Variants in CFAP299 observed in about 807,000 individuals in gnomAD.
CFAP299 encodes the protein cilia- and flagella-associated protein 299.
CFAP299 carries 21 observed loss-of-function variants against 27.0 expected under a neutral mutation model. That is an observed-to-expected ratio of 0.78 (90% CI 0.55 to 1.12). The LOEUF (loss-of-function observed/expected upper bound fraction) is 1.12, where lower values mean the gene tolerates loss of function less well. Ranked by LOEUF, CFAP299 falls within the 50% of genes most tolerant of loss-of-function variation. The probability of loss-of-function intolerance (pLI) is 0.00; values close to 1 mark genes in which losing one functional copy is unlikely to be tolerated. For missense variants in CFAP299, 310 were observed against 276.6 expected, an observed-to-expected ratio of 1.12 and a Z score of -0.86; for synonymous variants, 104 against 98.1, an observed-to-expected ratio of 1.06 and a Z score of -0.36.
chr4:80,565,494 A>C (rs1560627500), intron 2 of CFAP299, among the ~76,000 whole-genome samples: 1 of 152,118 alleles, frequency 6.6e-6, no homozygotes, highest in Non-Finnish European at 1.5e-5. Flanking sequence ...AAAGGGTAGA[A>C]AGGACTCGGG....
intron 2 of CFAP299, among the ~76,000 whole-genome samples, chr4:80,567,731 T>TTATATATATATATATA (rs10605376): frequency 2.7e-4 from 40 of 148,780 alleles, no homozygotes; most frequent in African/African-American, 9.9e-4. Context: ...TCTAATGTAT[T>TTATATATATATATATA]TATATATATA....
In CFAP299 at chr4:80,552,004, C is replaced by T. The variant is rs1289330092; in HGVS notation, c.243-31089C>T. On this transcript the variant is annotated intron_variant, in intron 2 of 5. Transcript: ENST00000358105. Reference sequence around the variant, plus strand: ...CTTCCTGGTATCTGCCCGCCTTGTCCTCCCAAAGTGCTGGGATTACAGGCG... The same window carrying T: ...CTTCCTGGTATCTGCCCGCCTTGTCTTCCCAAAGTGCTGGGATTACAGGCG... 2.6e-5 allele frequency among the ~76,000 whole-genome samples: 4 copies of T among 152,312 alleles called. No individual in the cohort carries two copies. The East Asian group carries it at 7.7e-4, about 29-fold the overall frequency.
rs541692517 is a variant in CFAP299, at chr4:80,702,690, A to G, written c.333+119507A>G. ...GAATGTGTCTCTGCAAATATTTCAC[A>G]TTTTGTATTTTCAAAAGTAAGCATA... On this transcript the variant is annotated intron_variant, in intron 3 of 5. Transcript: ENST00000358105. Among the ~76,000 whole-genome samples, 5 of 151,976 alleles carry G rather than the reference A, an allele frequency of 3.3e-5. No individual in the cohort carries two copies. In the South Asian group the frequency reaches 1.0e-3, roughly 31 times the overall value.
chr4:80,577,484 C>G lies in CFAP299; in HGVS notation c.243-5609C>G, dbSNP rs181462526. Among the ~76,000 whole-genome samples, 657 of 136,558 alleles carry G rather than the reference C, an allele frequency of 4.8e-3. 3 individuals are homozygous for G. The highest frequency in any genetic ancestry group is 6.7e-3 in the Admixed American group (80 of 11,960). The allele number at this position is 136,558 out of a possible 152,430, so 89.6% of individuals were successfully genotyped here. A position where few individuals can be genotyped will look rare whatever the true frequency, so the allele number is the denominator to read the frequency against. On this transcript the variant is annotated intron_variant, in intron 2 of 5. Transcript: ENST00000358105. ...GTGGTATGATCTTGGTTCACTGCAA[C>G]CTCTGCCTCCCAGGTTCAAGCGATT... is the stretch of plus-strand genomic sequence containing the variant.
At chr4:80,919,471 G>T (rs765798017) in intron 4 of CFAP299, among the ~76,000 whole-genome samples, 2 of 152,104 alleles carry the variant, frequency 1.3e-5, no homozygotes, top group Non-Finnish European at 2.9e-5. Flanking sequence ...TATAGTTTCA[G>T]GCTATTGAAA....
At chr4:80,621,364 T>C (rs2109931893) in intron 3 of CFAP299, among the ~76,000 whole-genome samples, 1 of 152,276 alleles carries the variant, frequency 6.6e-6, no homozygotes, top group African/African-American at 2.4e-5. Context: ...TCTCTACCAA[T>C]AGTTACAGAC....
chr4:80,839,928 C>T (rs778166927), intron 3 of CFAP299, among the ~76,000 whole-genome samples: 1 of 152,024 alleles, frequency 6.6e-6, no homozygotes, highest in Non-Finnish European at 1.5e-5. Context: ...ACTCTGAAGC[C>T]TAATATGTCT....
chr4:80,475,513 C>T (rs561182228), intron 2 of CFAP299, among the ~76,000 whole-genome samples: 1 of 152,224 alleles, frequency 6.6e-6, no homozygotes, highest in East Asian at 1.9e-4. Context: ...TTGGCCTGAG[C>T]AACTGGGTAA....
chr4:80,807,132 A>G (rs1399545034), intron 3 of CFAP299, among the ~76,000 whole-genome samples: 4 of 152,146 alleles, frequency 2.6e-5, no homozygotes, highest in Admixed American at 2.0e-4. Flanking sequence ...AGGTTAAAGA[A>G]ATGATTTTTT....
At chr4:80,413,476 G>A (rs1726835794) in intron 2 of CFAP299, among the ~76,000 whole-genome samples, 1 of 152,076 alleles carries the variant, frequency 6.6e-6, no homozygotes, top group Admixed American at 6.6e-5. Flanking sequence ...AAGCCCTATT[G>A]GTACCTACAG....
rs368503304 is a variant in CFAP299, at chr4:80,782,744, G to A, written c.334-87249G>A. On this transcript the variant is annotated intron_variant, in intron 3 of 5. Transcript: ENST00000358105. Reference sequence around the variant, plus strand: ...TGAATATATAATATATTCACATATGGCATACATATATGAATATATAATATA... The same window carrying A: ...TGAATATATAATATATTCACATATGACATACATATATGAATATATAATATA... Among the ~76,000 whole-genome samples the A allele has an allele frequency of 3.9e-3, 425 of 109,520 alleles. 10 individuals carry two copies. The highest frequency in any genetic ancestry group is 0.015 in the East Asian group (71 of 4,690). 71.8% of individuals were successfully genotyped at this position (109,520 alleles called of 152,430 possible). A position where few individuals can be genotyped will look rare whatever the true frequency, so the allele number is the denominator to read the frequency against.
At chr4:80,756,399 A>C (rs1191128179) in intron 3 of CFAP299, among the ~76,000 whole-genome samples, 1 of 152,116 alleles carries the variant, frequency 6.6e-6, no homozygotes, top group Admixed American at 6.6e-5. Context: ...ACTGTCATTC[A>C]ACAAATGAAA....
chr4:80,348,420 G>A (rs1051604185), intron 1 of CFAP299, among the ~76,000 whole-genome samples: 6 of 152,020 alleles, frequency 3.9e-5, no homozygotes, highest in African/African-American at 1.4e-4. Context: ...GAATCTACAA[G>A]AAACTTAAAC....
chr4:80,680,561 G>C (rs2110004195), intron 3 of CFAP299, among the ~76,000 whole-genome samples: 1 of 152,176 alleles, frequency 6.6e-6, no homozygotes, highest in Admixed American at 6.5e-5. Flanking sequence ...TGCCTTCTAA[G>C]TAGAAGAGAT....
At chr4:80,935,515 C>T (rs968842487) in intron 4 of CFAP299, among the ~76,000 whole-genome samples, 7 of 151,986 alleles carry the variant, frequency 4.6e-5, no homozygotes, top group Middle Eastern at 3.4e-3. Context: ...AACTGGTTAG[C>T]GATAAGCAGA....
chr4:80,696,571 A>G (rs917233800), intron 3 of CFAP299, among the ~76,000 whole-genome samples: 3 of 152,210 alleles, frequency 2.0e-5, no homozygotes, highest in Admixed American at 6.5e-5. Flanking sequence ...TACTTAATGT[A>G]TATTCTACTC....
chr4:80,546,520 G>A (rs1204080550), intron 2 of CFAP299, among the ~76,000 whole-genome samples: 4 of 152,094 alleles, frequency 2.6e-5, no homozygotes, highest in African/African-American at 9.7e-5. Flanking sequence ...CATGGATAGT[G>A]ATATAGTTTG....
At chr4:80,615,545 T>G (rs1160418869) in intron 3 of CFAP299, among the ~76,000 whole-genome samples, 1 of 152,002 alleles carries the variant, frequency 6.6e-6, no homozygotes, top group Non-Finnish European at 1.5e-5. Flanking sequence ...TTCTTTTTTT[T>G]TTTCAGAAGC....
At chr4:80,474,787 G>A (rs1438473138) in intron 2 of CFAP299, among the ~76,000 whole-genome samples, 1 of 152,132 alleles carries the variant, frequency 6.6e-6, no homozygotes, top group African/African-American at 2.4e-5. Flanking sequence ...CTAGGTTCTA[G>A]GAATGCGGTG....
Sources: gnomAD v4.1 joint callset for allele counts (sites outside exome capture counted in the v4.1 genomes callset) on GRCh38, gnomAD v4.1.1 for gene constraint, MANE v1.5 for transcripts, NCBI Gene and HGNC (gene_info 2026-07-23, HGNC 2026-07-21) for gene names.